SNRPC: variants seen among roughly 807,000 people sequenced by gnomAD.
The protein encoded by SNRPC is U1 small nuclear ribonucleoprotein C.
SNRPC carries 5 observed loss-of-function variants against 20.0 expected under a neutral mutation model. That is an observed-to-expected ratio of 0.25 (90% CI 0.13 to 0.53). The LOEUF (loss-of-function observed/expected upper bound fraction) is 0.53. SNRPC is among the 20% of genes least tolerant of loss of function. The pLI, the probability that SNRPC is intolerant of heterozygous loss-of-function variation, is 0.96. For missense variants in SNRPC, 112 were observed against 224.1 expected (o/e 0.50, Z 3.19); for synonymous variants, 61 against 58.7 (o/e 1.04, Z -0.18).
intron 2 of SNRPC, 131 bp downstream of exon 2, chr6:34,758,085 T>A (rs1764477750): frequency 5.2e-6 from 5 of 963,356 alleles, no homozygotes; most frequent in Non-Finnish European, 1.5e-6. Context: ...TTGAAGAAAA[T>A]AATTGGAGGT....
At chr6:34,762,872 CATTAAT>C (rs1764556128) in intron 3 of SNRPC, among the ~76,000 whole-genome samples, 169 bp downstream of exon 3, 1 of 152,148 alleles carries the variant, frequency 6.6e-6, no homozygotes, top group South Asian at 2.1e-4. Context: ...TATAAGAACA[CATTAAT>C]ATTTATTATT....
At chr6:34,764,499 C>CA (rs762284498) in intron 3 of SNRPC, among the ~76,000 whole-genome samples, 4 of 147,754 alleles carry the variant, frequency 2.7e-5, no homozygotes, top group South Asian at 4.3e-4. Context: ...AAAAAAACAA[C>CA]AAAAAACAAA....
chr6:34,773,366 T>C lies in SNRPC; in HGVS notation c.356-80T>C. 2 of 1,349,028 alleles carry C rather than the reference T, an allele frequency of 1.5e-6. No individual in the cohort carries two copies. The highest frequency in any genetic ancestry group is 2.7e-5 in the South Asian group (2 of 75,288). 83.6% of individuals were successfully genotyped at this position (1,349,028 alleles called of 1,614,324 possible). Reference sequence around the variant, plus strand: ...CAAGGGGGGCTACGTTTTTTGTTTTTAATTGAAGTCCCATCAAACTCTCCC... The same window carrying C: ...CAAGGGGGGCTACGTTTTTTGTTTTCAATTGAAGTCCCATCAAACTCTCCC... On this transcript the variant is annotated intron_variant, in intron 5 of 5. Coordinates refer to ENST00000244520, the MANE Select transcript of SNRPC (RefSeq NM_003093.3). This position sits in a 1 kb window ranked among gnomAD's most constrained non-coding sequence, Gnocchi z 4.1.
chr6:34,763,279 T>C (rs1462433181), intron 3 of SNRPC, among the ~76,000 whole-genome samples: 2 of 152,170 alleles, frequency 1.3e-5, no homozygotes, highest in East Asian at 1.9e-4. Context: ...GAAGGAGATA[T>C]TGCATTTTTA....
At chr6:34,758,542 C>T (rs1236201188) in intron 2 of SNRPC, among the ~76,000 whole-genome samples, 2 of 151,950 alleles carry the variant, frequency 1.3e-5, no homozygotes, top group African/African-American at 4.8e-5. Context: ...CTCGAACTCC[C>T]GACCTCAGGC....
At chr6:34,769,271 CCAGG>C (rs1210230033) in intron 4 of SNRPC, among the ~76,000 whole-genome samples, 2 of 149,982 alleles carry the variant, frequency 1.3e-5, no homozygotes, top group African/African-American at 4.9e-5. Flanking sequence ...ACTCTGTTGC[CCAGG>C]CTGGAGTGCA....
chr6:34,770,418 C>G, intron 5 of SNRPC, 23 bp downstream of exon 5: 3 of 1,464,938 alleles, frequency 2.0e-6, no homozygotes, highest in Non-Finnish European at 2.9e-6. Flanking sequence ...GTCTGTCTTT[C>G]TAGTTTGTTC....
At chr6:34,763,638 A>C (rs890909392) in intron 3 of SNRPC, among the ~76,000 whole-genome samples, 9 of 149,910 alleles carry the variant, frequency 6.0e-5, no homozygotes, top group Admixed American at 2.0e-4. Flanking sequence ...CTGAGATTGC[A>C]CTACTGCACT....
Position 34,767,892 on chromosome 6 carries a change from T to TCTTAC in SNRPC, c.161-15_161-14insTTACC. ...TTATTCATCTTTTTTTTTTTTTTTT[T>TCTTAC]CCTCACCCTCCAAAGCGGCTGCATT... is the stretch of plus-strand genomic sequence containing the variant. On this transcript the variant is annotated splice_polypyrimidine_tract_variant and intron_variant, in intron 3 of 5. Transcript: ENST00000244520. 6.8e-7 allele frequency: 1 copy of TCTTAC among 1,472,706 alleles called. No individual in the cohort carries two copies. The highest frequency in any genetic ancestry group is 2.5e-5 in the Admixed American group (1 of 39,932). The allele number at this position is 1,472,706 out of a possible 1,614,324, so 91.2% of individuals were successfully genotyped here.
At chr6:34,766,291 C>A (rs112634646) in intron 3 of SNRPC, among the ~76,000 whole-genome samples, 1 of 152,018 alleles carries the variant, frequency 6.6e-6, no homozygotes, top group East Asian at 1.9e-4. Context: ...GCCTTGAACT[C>A]CTGGGCTCAA....
chr6:34,760,413 G>A (rs926633576), intron 2 of SNRPC, among the ~76,000 whole-genome samples: 1 of 152,130 alleles, frequency 6.6e-6, no homozygotes, highest in Non-Finnish European at 1.5e-5. Context: ...AGAATAGAGT[G>A]CTCTGATAAA....
intron 4 of SNRPC, among the ~76,000 whole-genome samples, 172 bp downstream of exon 4, chr6:34,768,169 C>G (rs1764638910): frequency 6.6e-6 from 1 of 152,080 alleles, no homozygotes; most frequent in Non-Finnish European, 1.5e-5. Context: ...TAGAAAACAA[C>G]TTTAGTGGTA....
chr6:34,759,019 C>CAAAAAAAAAAAAAAA (rs755576537), intron 2 of SNRPC, among the ~76,000 whole-genome samples: 1 of 24,644 alleles, frequency 4.1e-5, no homozygotes, highest in African/African-American at 1.1e-4. Context: ...GACTCCGTCT[C>CAAAAAAAAAAAAAAA]AAAAAAAAAA....
In SNRPC at chr6:34,770,398, A is replaced by G. The variant is rs907291637; in HGVS notation, c.355+3A>G. 6.4e-6 allele frequency: 10 copies of G among 1,568,820 alleles called. No individual in the cohort carries two copies. The highest frequency in any genetic ancestry group is 8.8e-6 in the Non-Finnish European group (10 of 1,138,806). ...TGGGATGATGCCAGTGGGACCTGGT[A>G]AGTTTGAATGTCTGTCTTTCTAGTT... is the stretch of plus-strand genomic sequence containing the variant. On this transcript the variant is annotated splice_donor_region_variant and intron_variant, in intron 5 of 5. Coordinates refer to ENST00000244520, the MANE Select transcript of SNRPC (RefSeq NM_003093.3).
intron 2 of SNRPC, 67 bp from the exon 3 acceptor site, chr6:34,762,528 A>G: frequency 1.2e-6 from 1 of 834,368 alleles, no homozygotes; most frequent in Non-Finnish European, 2.0e-6. Flanking sequence ...TATAAAGGTA[A>G]AACTTTATTA....
intron 3 of SNRPC, 22 bp downstream of exon 3, chr6:34,762,725 T>G: frequency 8.0e-7 from 1 of 1,250,114 alleles, no homozygotes; most frequent in Non-Finnish European, 1.2e-6. Flanking sequence ...TCTCTTGTTC[T>G]GCTGTGGTAA....
At chr6:34,767,402 C>T (rs754322109) in intron 3 of SNRPC, among the ~76,000 whole-genome samples, 2 of 152,194 alleles carry the variant, frequency 1.3e-5, no homozygotes, top group East Asian at 1.9e-4. Flanking sequence ...GAGTGGATTG[C>T]GTGGACTCAG....
intron 3 of SNRPC, among the ~76,000 whole-genome samples, chr6:34,765,055 A>C (rs1357780757): frequency 6.6e-6 from 1 of 152,056 alleles, no homozygotes; most frequent in African/African-American, 2.4e-5. Flanking sequence ...TGAACCTCCC[A>C]TTCTGAATTT....
At chr6:34,760,103 T>A (rs1271169731) in intron 2 of SNRPC, among the ~76,000 whole-genome samples, 1 of 149,888 alleles carries the variant, frequency 6.7e-6, no homozygotes, top group Non-Finnish European at 1.5e-5. Flanking sequence ...TATAGTTCTG[T>A]ATATTATCTT....
Sources: gnomAD v4.1 joint callset for allele counts (sites outside exome capture counted in the v4.1 genomes callset) on GRCh38, gnomAD v4.1.1 for gene constraint, Gnocchi (gnomAD v3.1) non-coding constraint, MANE v1.5 for transcripts, NCBI Gene and HGNC (gene_info 2026-07-23, HGNC 2026-07-21) for gene names.